DTD1: variants seen among roughly 807,000 people sequenced by gnomAD.
The protein encoded by DTD1 is D-aminoacyl-tRNA deacylase 1.
A neutral mutation model predicts 25.6 loss-of-function variants in DTD1; 13 were observed. That is an observed-to-expected ratio of 0.51 (90% CI 0.33 to 0.81). DTD1 has a LOEUF of 0.81. Among genes scored for constraint, DTD1 ranks in the 30% least tolerant of loss-of-function variants. The pLI, the probability that DTD1 is intolerant of heterozygous loss-of-function variation, is 0.02. For missense variants in DTD1, 193 were observed against 266.4 expected (o/e 0.72, Z 1.92); for synonymous variants, 110 against 103.6 (o/e 1.06, Z -0.37).
chr20:18,653,688 CA>C (rs2060882128), intron 4 of DTD1, among the ~76,000 whole-genome samples: 1 of 152,024 alleles, frequency 6.6e-6, no homozygotes. Context: ...GCATTCTTTC[CA>C]AAAGTTTATT....
In DTD1 at chr20:18,730,977, A is replaced by G. The variant is rs148113252; in HGVS notation, c.478-13123A>G. ...TCTCTTCGTCCATTCCTCTGTTGTC[A>G]TGCAGTCTTTTATTCACCCAACATA... On this transcript the variant is annotated intron_variant, in intron 4 of 5. Coordinates refer to ENST00000377452, the MANE Select transcript of DTD1 (RefSeq NM_080820.6). Among the ~76,000 whole-genome samples the G allele has an allele frequency of 2.0e-5, 3 of 152,274 alleles. No individual in the cohort carries two copies. The East Asian group carries it at 5.8e-4, about 29-fold the overall frequency.
At chr20:18,609,453 A>C (rs2060677954) in intron 3 of DTD1, among the ~76,000 whole-genome samples, 1 of 152,038 alleles carries the variant, frequency 6.6e-6, no homozygotes, top group Non-Finnish European at 1.5e-5. Flanking sequence ...AGCCCATCCT[A>C]ATTGTTAACT....
chr20:18,702,523 C>T (rs2061109593), intron 4 of DTD1, among the ~76,000 whole-genome samples: 1 of 152,108 alleles, frequency 6.6e-6, no homozygotes, highest in Admixed American at 6.5e-5. Context: ...ATACTAGAGA[C>T]CGCAGAGACA....
intron 4 of DTD1, among the ~76,000 whole-genome samples, chr20:18,741,890 CCTTTGTAT>C (rs1568686865): frequency 2.8e-4 from 16 of 57,704 alleles, no homozygotes; most frequent in East Asian, 8.6e-4. Flanking sequence ...GCCTGGCTAA[CCTTTGTAT>C]TTTTTTTTTT....
At chr20:18,691,347 C>T (rs938820938) in intron 4 of DTD1, among the ~76,000 whole-genome samples, 6 of 152,092 alleles carry the variant, frequency 3.9e-5, no homozygotes, top group Admixed American at 6.5e-5. Context: ...TTCATTCTAG[C>T]AAAGACATGA....
intron 4 of DTD1, among the ~76,000 whole-genome samples, chr20:18,664,990 A>C (rs1206248977): frequency 6.6e-6 from 1 of 152,208 alleles, no homozygotes; most frequent in Non-Finnish European, 1.5e-5. Context: ...TGTCAGAAAA[A>C]AAATAATAAA....
intron 3 of DTD1, among the ~76,000 whole-genome samples, chr20:18,626,098 C>G (rs1186579799): frequency 6.6e-6 from 1 of 152,174 alleles, no homozygotes; most frequent in Non-Finnish European, 1.5e-5. Flanking sequence ...CATATACTAC[C>G]ATGGACAGTG....
chr20:18,722,358 A>T (rs1600390870), intron 4 of DTD1, among the ~76,000 whole-genome samples: 1 of 152,350 alleles, frequency 6.6e-6, no homozygotes, highest in South Asian at 2.1e-4. Flanking sequence ...AAAAGCAGAG[A>T]TGGCACAGAA....
intron 3 of DTD1, among the ~76,000 whole-genome samples, chr20:18,624,715 T>A (rs1013214575): frequency 2.0e-5 from 3 of 152,160 alleles, no homozygotes; most frequent in Non-Finnish European, 4.4e-5. Flanking sequence ...CAGAGTGATG[T>A]CAAGGACCCC....
At chr20:18,642,809 G>T (rs2060834323) in intron 4 of DTD1, 1 of 161,700 alleles carries the variant, frequency 6.2e-6, no homozygotes, top group South Asian at 1.7e-4. Flanking sequence ...CTTGTTCTAA[G>T]GACACAACAG....
chr20:18,594,352 G>A (rs1313118030), intron 2 of DTD1, among the ~76,000 whole-genome samples: 1 of 152,120 alleles, frequency 6.6e-6, no homozygotes, highest in Non-Finnish European at 1.5e-5. Flanking sequence ...AGGAGCAGGG[G>A]TTGCCATTGC....
At chr20:18,742,532 A>G (rs1375455901) in intron 4 of DTD1, among the ~76,000 whole-genome samples, 1 of 152,100 alleles carries the variant, frequency 6.6e-6, no homozygotes, top group African/African-American at 2.4e-5. Context: ...CGGGAACCCC[A>G]TTGTGAACTG....
chr20:18,712,876 C>T (rs1357919570), intron 4 of DTD1, among the ~76,000 whole-genome samples: 1 of 152,238 alleles, frequency 6.6e-6, no homozygotes, highest in Non-Finnish European at 1.5e-5. Context: ...GTACAGACTC[C>T]CCTCCTTACC....
chr20:18,679,815 T>C (rs1251189125), intron 4 of DTD1, among the ~76,000 whole-genome samples: 1 of 152,248 alleles, frequency 6.6e-6, no homozygotes, highest in African/African-American at 2.4e-5. Context: ...TCAGGAGAGA[T>C]GCCACATCTT....
At chr20:18,743,609 G>A (rs1447420193) in intron 4 of DTD1, among the ~76,000 whole-genome samples, 1 of 148,180 alleles carries the variant, frequency 6.7e-6, no homozygotes, top group Non-Finnish European at 1.5e-5. Flanking sequence ...AGGAGGTTGA[G>A]GCTGCAGTGA....
intron 5 of DTD1, among the ~76,000 whole-genome samples, chr20:18,762,056 C>T (rs1035552551): frequency 6.6e-6 from 1 of 152,196 alleles, no homozygotes; most frequent in African/African-American, 2.4e-5. Flanking sequence ...GCTGTGGTTC[C>T]AGCTTGCCTT....
intron 4 of DTD1, among the ~76,000 whole-genome samples, chr20:18,720,865 A>AT (rs551161953): frequency 6.6e-6 from 1 of 151,778 alleles, no homozygotes; most frequent in Non-Finnish European, 1.5e-5. Context: ...CTCAAAAAAA[A>AT]TTTTTTTTTG....
At chr20:18,631,167 G>T in intron 4 of DTD1, 1 of 985,474 alleles carries the variant, frequency 1.0e-6, no homozygotes, top group Non-Finnish European at 1.2e-6. Flanking sequence ...CTGCCACCGT[G>T]GTAGCAGAGC....
intron 4 of DTD1, among the ~76,000 whole-genome samples, chr20:18,695,559 CTCTT>C: frequency 3.8e-5 from 1 of 26,286 alleles, no homozygotes; most frequent in Non-Finnish European, 7.6e-5. Flanking sequence ...CCCTTCCCTT[CTCTT>C]CCCCTCCATT....
Sources: gnomAD v4.1 joint callset for allele counts (sites outside exome capture counted in the v4.1 genomes callset) on GRCh38, gnomAD v4.1.1 for gene constraint, MANE v1.5 for transcripts, NCBI Gene and HGNC (gene_info 2026-07-23, HGNC 2026-07-21) for gene names.